CEP128: variants seen among roughly 807,000 people sequenced by gnomAD.
CEP128 encodes centrosomal protein 128.
Under a neutral mutation model 156.7 loss-of-function variants are expected in CEP128, and 132 were observed. That is an observed-to-expected ratio of 0.84 (90% CI 0.73 to 0.97). The LOEUF (loss-of-function observed/expected upper bound fraction) is 0.97, where lower values mean the gene tolerates loss of function less well. Ranked by LOEUF, CEP128 falls within the 50% of genes least tolerant of loss-of-function variation. CEP128 has a pLI of 0.00. For missense variants in CEP128, 1,252 were observed against 1,281.9 expected (o/e 0.98, Z 0.36); for synonymous variants, 469 against 448.9 (o/e 1.04, Z -0.57).
Position 80,829,684 on chromosome 14 carries a change from A to G in CEP128, c.1209+1459T>C, listed in dbSNP as rs543711222. 8.7e-4 allele frequency among the ~76,000 whole-genome samples: 132 copies of G among 152,312 alleles called. No individual in the cohort carries two copies. In the Middle Eastern group the frequency reaches 0.01, roughly 12 times the overall value. On this transcript the variant is annotated intron_variant, in intron 13 of 24. Transcript: ENST00000555265. ...TCTGGCATGTAACAGGCAGTCAATA[A>G]TATTTGCTGTGTTGTAAAAACCTTT...
chr14:80,939,724 C>A (rs1216859785), intron 1 of CEP128, among the ~76,000 whole-genome samples, 184 bp from the exon 2 acceptor site: 1 of 152,206 alleles, frequency 6.6e-6, no homozygotes, highest in Non-Finnish European at 1.5e-5. Context: ...AAGTGCCCAG[C>A]CCACATATTG....
At chr14:80,757,703 C>G (rs1393017033) in intron 17 of CEP128, among the ~76,000 whole-genome samples, 1 of 152,110 alleles carries the variant, frequency 6.6e-6, no homozygotes. Flanking sequence ...TTAAAAATAT[C>G]CTCTCTCTCT....
intron 7 of CEP128, among the ~76,000 whole-genome samples, chr14:80,898,147 A>G (rs927661883): frequency 2.0e-4 from 30 of 152,176 alleles, no homozygotes; most frequent in Non-Finnish European, 4.4e-5. Flanking sequence ...AATCCTTTCT[A>G]AAAGTTTGCT....
intron 19 of CEP128, among the ~76,000 whole-genome samples, chr14:80,626,243 T>A (rs1381941531): frequency 6.6e-6 from 1 of 151,150 alleles, no homozygotes. Context: ...GGCGGGTGGA[T>A]CATGAGGTCA....
chr14:80,590,976 C>T (rs941557514), intron 19 of CEP128, among the ~76,000 whole-genome samples: 4 of 152,132 alleles, frequency 2.6e-5, no homozygotes, highest in South Asian at 2.1e-4. Context: ...CTGTCACCAC[C>T]GGGCCAGCCT....
At chr14:80,917,621 C>T (rs1013475109) in intron 2 of CEP128, among the ~76,000 whole-genome samples, 1 of 152,122 alleles carries the variant, frequency 6.6e-6, no homozygotes, top group African/African-American at 2.4e-5. Flanking sequence ...TCACTGCAAC[C>T]TCCGCCTCCC....
At chr14:80,843,098 T>C (rs1246240120) in intron 9 of CEP128, among the ~76,000 whole-genome samples, 1 of 151,778 alleles carries the variant, frequency 6.6e-6, no homozygotes, top group Non-Finnish European at 1.5e-5. Flanking sequence ...AAAAGAAAAA[T>C]GTTTGTAGAC....
intron 19 of CEP128, among the ~76,000 whole-genome samples, chr14:80,610,786 T>A (rs1049028995): frequency 1.3e-5 from 2 of 152,146 alleles, no homozygotes; most frequent in Admixed American, 6.5e-5. Flanking sequence ...ATCTTAAATT[T>A]AAATCAGTAG....
chr14:80,840,520 G>A (rs1013438247), intron 10 of CEP128, among the ~76,000 whole-genome samples, 162 bp downstream of exon 10: 7 of 152,212 alleles, frequency 4.6e-5, no homozygotes, highest in Admixed American at 3.9e-4. Context: ...TCAAGAGCAA[G>A]TCCTAGCAAG....
intron 19 of CEP128, among the ~76,000 whole-genome samples, chr14:80,651,386 T>G (rs1894897293): frequency 6.6e-6 from 1 of 152,160 alleles, no homozygotes; most frequent in Non-Finnish European, 1.5e-5. Context: ...TTCACTGATT[T>G]TTTGAAGAGT....
At chr14:80,749,724 T>C (rs1161348636) in intron 18 of CEP128, among the ~76,000 whole-genome samples, 1 of 152,088 alleles carries the variant, frequency 6.6e-6, no homozygotes, top group African/African-American at 2.4e-5. Flanking sequence ...GTGGTTACAA[T>C]GAACAATAAT....
intron 8 of CEP128, among the ~76,000 whole-genome samples, chr14:80,887,250 C>T (rs1332968705): frequency 1.3e-5 from 2 of 152,132 alleles, no homozygotes; most frequent in African/African-American, 2.4e-5. Flanking sequence ...ATATTCAGGA[C>T]TTGAACTCAG....
In CEP128 at chr14:80,526,986, G is replaced by A. The variant is rs201153950; in HGVS notation, c.2959-4C>T. ...TCTCAGATGAACTGCAGGAATCCTG[G>A]AAAAAAAAAAAAGCAAAGGGTCTGA... On this transcript the variant is annotated splice_region_variant and splice_polypyrimidine_tract_variant and intron_variant, in intron 22 of 24. Coordinates refer to ENST00000555265, the MANE Select transcript of CEP128 (RefSeq NM_152446.5). The A allele has an allele frequency of 1.3e-4, 132 of 1,014,286 alleles. No homozygotes were observed. The highest frequency in any genetic ancestry group is 4.3e-4 in the Admixed American group (19 of 43,696). The allele number at this position is 1,014,286 out of a possible 1,614,324, so 62.8% of individuals were successfully genotyped here.
intron 22 of CEP128, among the ~76,000 whole-genome samples, chr14:80,527,532 C>T (rs550742937): frequency 1.3e-5 from 2 of 151,798 alleles, no homozygotes; most frequent in Admixed American, 1.3e-4. Flanking sequence ...ATTCTTTTAA[C>T]AACTAGTCCC....
chr14:80,650,430 G>A (rs12161872), intron 19 of CEP128, among the ~76,000 whole-genome samples: 3 of 152,094 alleles, frequency 2.0e-5, no homozygotes, highest in Non-Finnish European at 4.4e-5. Context: ...CCGGATTACC[G>A]TGGCCAGAAC....
intron 21 of CEP128, among the ~76,000 whole-genome samples, chr14:80,547,351 T>C (rs1890028526): frequency 6.6e-6 from 1 of 152,240 alleles, no homozygotes; most frequent in Non-Finnish European, 1.5e-5. Context: ...CTTTGTATCA[T>C]TTACTAAATA....
At chr14:80,651,817 G>T (rs980458248) in intron 19 of CEP128, among the ~76,000 whole-genome samples, 1 of 152,080 alleles carries the variant, frequency 6.6e-6, no homozygotes, top group Non-Finnish European at 1.5e-5. Flanking sequence ...TGCATTGGCT[G>T]AGGAGTGTCT....
chr14:80,781,499 T>C (rs1595389234), intron 15 of CEP128, among the ~76,000 whole-genome samples: 1 of 140,168 alleles, frequency 7.1e-6, no homozygotes, highest in Non-Finnish European at 1.5e-5. Context: ...ATGAGTAAGG[T>C]AGAATCATTT....
chr14:80,843,781 C>T (rs1231027215), intron 9 of CEP128, among the ~76,000 whole-genome samples: 1 of 151,812 alleles, frequency 6.6e-6, no homozygotes, highest in African/African-American at 2.4e-5. Context: ...CAAGCAAAAA[C>T]TCAATATTAA....
Sources: gnomAD v4.1 joint callset for allele counts (sites outside exome capture counted in the v4.1 genomes callset) on GRCh38, gnomAD v4.1.1 for gene constraint, MANE v1.5 for transcripts, NCBI Gene and HGNC (gene_info 2026-07-23, HGNC 2026-07-21) for gene names.